LINGO2: variants seen among roughly 807,000 people sequenced by gnomAD.
LINGO2 encodes the protein leucine-rich repeat and immunoglobulin-like domain-containing nogo receptor-interacting protein 2.
Under a neutral mutation model 30.6 loss-of-function variants are expected in LINGO2, and 14 were observed. The observed-to-expected ratio is 0.46, with a 90% confidence interval of 0.30 to 0.72. The LOEUF (loss-of-function observed/expected upper bound fraction) is 0.72. Among genes scored for constraint, LINGO2 ranks in the 30% least tolerant of loss-of-function variants. The pLI is 0.07. For missense variants in LINGO2, 729 were observed against 751.7 expected, an observed-to-expected ratio of 0.97 and a Z score of 0.35; for synonymous variants, 317 against 288.5, an observed-to-expected ratio of 1.10 and a Z score of -1.00.
chr9:28,829,683 T>C, the LINGO2 span, among the ~76,000 whole-genome samples: 1 of 152,152 alleles, frequency 6.6e-6, no homozygotes, highest in Non-Finnish European at 1.5e-5. Flanking sequence ...AGGTCAGGAA[T>C]TCGAGACCAG....
rs377097269 is a variant in LINGO2 at position 28,044,371 on chromosome 9, T to G, written c.-86-31966A>C. 2.3e-4 allele frequency among the ~76,000 whole-genome samples: 35 copies of G among 152,286 alleles called. No individual in the cohort carries two copies. In the South Asian group the frequency reaches 7.0e-3, roughly 31 times the overall value. On this transcript the variant is annotated intron_variant, in intron 4 of 5. Transcript: ENST00000379992. ...GAACGTATTTCCCCATTAAATCATG[T>G]TAGATTTCAACTAAGTCTTTTTCTT...
At chr9:28,951,325 C>A in the LINGO2 span, among the ~76,000 whole-genome samples, 6 of 148,022 alleles carry the variant, frequency 4.1e-5, no homozygotes. Flanking sequence ...GTTTGGGACT[C>A]TGCACACCAC....
intron 2 of LINGO2, among the ~76,000 whole-genome samples, chr9:28,409,566 A>G (rs753334947): frequency 8.6e-5 from 13 of 151,754 alleles, no homozygotes; most frequent in Non-Finnish European, 1.6e-4. Context: ...TTAATTTTAT[A>G]TTTCATATAA....
At chr9:28,617,546 C>T (rs867137852) in intron 1 of LINGO2, among the ~76,000 whole-genome samples, 52 of 152,142 alleles carry the variant, frequency 3.4e-4, no homozygotes, top group African/African-American at 1.2e-3. Context: ...CCGCCCTCCT[C>T]GGCCTCCCAA....
chr9:28,535,540 T>A (rs746212145), intron 1 of LINGO2, among the ~76,000 whole-genome samples: 12 of 152,202 alleles, frequency 7.9e-5, no homozygotes, highest in African/African-American at 2.9e-4. Context: ...TATTTTTTTT[T>A]AATTTTATAC....
chr9:28,389,538 C>A (rs1256568203), intron 2 of LINGO2, among the ~76,000 whole-genome samples: 1 of 152,128 alleles, frequency 6.6e-6, no homozygotes, highest in Admixed American at 6.5e-5. Context: ...GCATCATTCC[C>A]ACCTACCCAA....
chr9:28,792,596 T>C, the LINGO2 span, among the ~76,000 whole-genome samples: 3 of 152,136 alleles, frequency 2.0e-5, no homozygotes, highest in Admixed American at 6.5e-5. Flanking sequence ...GCTGTATTTA[T>C]TGGATTATTC....
At chr9:28,504,458 A>T (rs1820020766) in intron 1 of LINGO2, among the ~76,000 whole-genome samples, 1 of 151,892 alleles carries the variant, frequency 6.6e-6, no homozygotes, top group Non-Finnish European at 1.5e-5. Flanking sequence ...ACCAGTACAC[A>T]CATAAGGCTT....
Position 28,396,690 on chromosome 9 carries a change from C to T in LINGO2, c.-278-23822G>A, listed in dbSNP as rs550569489. 8.0e-5 allele frequency among the ~76,000 whole-genome samples: 8 copies of T among 99,606 alleles called. No individual in the cohort carries two copies. The East Asian group carries it at 9.4e-4, about 12-fold the overall frequency. 65.3% of individuals were successfully genotyped at this position (99,606 alleles called of 152,430 possible). ...CTGCACTCCAGCCTGGGTGACAGAG[C>T]GAGACTCCATCTCAAAAAAAAAAAA... On this transcript the variant is annotated intron_variant, in intron 2 of 5. Coordinates refer to ENST00000379992, the Ensembl canonical transcript of LINGO2.
chr9:28,142,132 G>T, intron 4 of LINGO2, among the ~76,000 whole-genome samples: 1 of 147,938 alleles, frequency 6.8e-6, no homozygotes, highest in East Asian at 2.0e-4. Context: ...GTTTTCTTTG[G>T]AACTGATTGG....
the LINGO2 span, among the ~76,000 whole-genome samples, chr9:29,131,025 T>G: frequency 1.3e-5 from 2 of 152,154 alleles, no homozygotes; most frequent in South Asian, 4.1e-4. Context: ...CCTACCAACT[T>G]TCCTTGGTGT....
At chr9:29,079,775 T>C in the LINGO2 span, among the ~76,000 whole-genome samples, 2 of 146,994 alleles carry the variant, frequency 1.4e-5, no homozygotes, top group African/African-American at 5.1e-5. Context: ...CACCCTGTAG[T>C]GCAGTAAATA....
chr9:28,078,238 G>A (rs1177119363), intron 4 of LINGO2, among the ~76,000 whole-genome samples: 1 of 149,070 alleles, frequency 6.7e-6, no homozygotes, highest in Non-Finnish European at 1.5e-5. Flanking sequence ...TAACACTCAG[G>A]AAGTGTGTGT....
chr9:28,456,149 C>A (rs182079200), intron 2 of LINGO2, among the ~76,000 whole-genome samples: 42 of 152,222 alleles, frequency 2.8e-4, no homozygotes, highest in African/African-American at 9.6e-4. Context: ...ATATGCTATT[C>A]AATCACCACA....
the LINGO2 span, among the ~76,000 whole-genome samples, chr9:28,994,428 A>C: frequency 6.6e-6 from 1 of 151,970 alleles, no homozygotes; most frequent in Non-Finnish European, 1.5e-5. Context: ...AATATCGTGA[A>C]AATGGCCATA....
At chr9:28,732,338 G>C in the LINGO2 span, among the ~76,000 whole-genome samples, 1 of 150,952 alleles carries the variant, frequency 6.6e-6, no homozygotes, top group Non-Finnish European at 1.5e-5. Context: ...CATACAACAG[G>C]GGTTCACATT....
intron 1 of LINGO2, among the ~76,000 whole-genome samples, chr9:28,493,467 A>T (rs1363428855): frequency 6.6e-6 from 1 of 152,198 alleles, no homozygotes; most frequent in Non-Finnish European, 1.5e-5. Flanking sequence ...ATCATTGGAG[A>T]TATATTGGTA....
the LINGO2 span, among the ~76,000 whole-genome samples, chr9:28,845,455 G>A: frequency 1.3e-5 from 2 of 151,586 alleles, no homozygotes; most frequent in Admixed American, 1.3e-4. Context: ...CCCTTAAACA[G>A]ACCTGATGCA....
chr9:28,507,555 A>T (rs896127464), intron 1 of LINGO2, among the ~76,000 whole-genome samples: 9 of 152,132 alleles, frequency 5.9e-5, no homozygotes, highest in African/African-American at 1.7e-4. Flanking sequence ...ACATTTAACA[A>T]TTCTGGCAAC....
Sources: allele counts gnomAD v4.1 joint callset (sites outside exome capture counted in the v4.1 genomes callset), GRCh38; gene constraint gnomAD v4.1.1; transcripts MANE v1.5; gene names NCBI Gene and HGNC (gene_info 2026-07-23, HGNC 2026-07-21).